HMX1: variants seen among roughly 807,000 people sequenced by gnomAD.
The protein encoded by HMX1 is homeobox protein HMX1.
Under a neutral mutation model 8.9 loss-of-function variants are expected in HMX1, and 8 were observed. That is an observed-to-expected ratio of 0.90 (90% confidence interval 0.53 to 1.63). The LOEUF (loss-of-function observed/expected upper bound fraction) is 1.63, where lower values mean the gene tolerates loss of function less well. HMX1 is among the 40% of genes most tolerant of loss of function. The pLI is 0.00. For missense variants in HMX1, 621 were observed against 558.5 expected (o/e 1.11, Z -1.13); for synonymous variants, 311 against 283.4 (o/e 1.10, Z -0.98).
rs775861425 is a variant in HMX1 at position 8,868,779 on chromosome 4, C to G, written c.395-434G>C. Among the ~76,000 whole-genome samples, 61 of 152,250 alleles carry G rather than the reference C, an allele frequency of 4.0e-4. 2 individuals are homozygous for G. Among genetic ancestry groups the G allele is most frequent in the East Asian group, 3.9e-4 (2 of 5,172 alleles). ...CGGGACAAGAGGAAAGATGTCCTTC[C>G]GAGAAATGTTCACACCGAAAAACAA... is the stretch of plus-strand genomic sequence containing the variant. On this transcript the variant is annotated intron_variant, in intron 1 of 1. Transcript: ENST00000400677. This position sits in a 1 kb window ranked among gnomAD's most constrained non-coding sequence, Gnocchi z 4.6.
Position 8,847,460 on chromosome 4 carries a change from G to T in HMX1, c.395-1136C>A, listed in dbSNP as rs191163386. On this transcript the variant is annotated intron_variant, in intron 1 of 1. Transcript: ENST00000506970. The surrounding 1 kb of genome is among the most constrained non-coding windows in gnomAD (Gnocchi z 6.0). ...CAAAGAGCTATTTCTGTAACGGGATGCCGCCAACAGACGGAAGCCACTGAG... is the reference window on the plus strand; with the variant it reads ...CAAAGAGCTATTTCTGTAACGGGATTCCGCCAACAGACGGAAGCCACTGAG... Among the ~76,000 whole-genome samples, 193 of 152,280 alleles carry T rather than the reference G, an allele frequency of 1.3e-3. No individual in the cohort carries two copies. The highest frequency in any genetic ancestry group is 4.5e-3 in the African/African-American group (188 of 41,558).
intron 1 of HMX1, among the ~76,000 whole-genome samples, chr4:8,857,218 G>C (rs934179292): frequency 6.6e-6 from 1 of 152,338 alleles, no homozygotes; most frequent in South Asian, 2.1e-4. Context: ...CAGCCGCCGA[G>C]GAAGCGTCGG....
downstream of HMX1, among the ~76,000 whole-genome samples, chr4:8,863,920 C>T (rs573178512): frequency 1.4e-4 from 21 of 152,382 alleles, no homozygotes; most frequent in Admixed American, 2.0e-4. Flanking sequence ...ACATCCTCCA[C>T]GCCCAAACAC....
At position 8,868,306 on chromosome 4, in the gene HMX1, C is replaced by A; in HGVS notation, c.434G>T (p.Gly145Val). The A allele has an allele frequency of 6.9e-7, 1 of 1,440,540 alleles. No homozygotes were observed. Among genetic ancestry groups the A allele is most frequent in the South Asian group, 1.4e-5 (1 of 70,934 alleles). The allele number at this position is 1,440,540 out of a possible 1,614,324, so 89.2% of individuals were successfully genotyped here. The change falls in exon 2 of 2, where the codon GGC becomes GTC. Residue 145 changes from glycine to valine, a missense_variant. Coordinates refer to ENST00000400677, the MANE Select transcript of HMX1 (RefSeq NM_018942.3). The surrounding 1 kb of genome is among the most constrained non-coding windows in gnomAD (Gnocchi z 4.6). ...TCGCGGCCAGGCGCCCTCCGCACGGCCCATCTCCTCGCCCGTCTCCGGTGA... is the reference window on the plus strand; with the variant it reads ...TCGCGGCCAGGCGCCCTCCGCACGGACCATCTCCTCGCCCGTCTCCGGTGA... Reference protein sequence around the residue: ...RDSPETGEEMGRAEGAWPRGP... With the variant: ...RDSPETGEEMVRAEGAWPRGP...
chr4:8,856,599 G>A (rs780876192), intron 1 of HMX1, among the ~76,000 whole-genome samples: 16 of 152,128 alleles, frequency 1.1e-4, no homozygotes, highest in Non-Finnish European at 2.1e-4. Context: ...GTGGCTACAC[G>A]GGTGTGCACA....
In HMX1 at chr4:8,867,428, G is replaced by A. The variant is rs915253122; in HGVS notation, c.*265C>T. The A allele has an allele frequency of 9.1e-7, 1 of 1,097,434 alleles. No homozygotes were observed. The highest frequency in any genetic ancestry group is 1.1e-6 in the Non-Finnish European group (1 of 902,732). The allele number at this position is 1,097,434 out of a possible 1,614,324, so 68.0% of individuals were successfully genotyped here. On this transcript the variant is annotated 3_prime_UTR_variant, in exon 2 of 2. Transcript: ENST00000400677. ...GCCGGGGGGTGGCCGTGGCGCCGGG[G>A]GCTGCGCAGCCCAGAGTCTCTGCAT...
Position 8,846,306 on chromosome 4 carries a change from G to C in HMX1, c.413C>G (p.Pro138Arg). 2 of 1,535,070 alleles carry C rather than the reference G, an allele frequency of 1.3e-6. 1 individual carries two copies. Among genetic ancestry groups the C allele is most frequent in the South Asian group, 2.4e-5 (2 of 84,008 alleles). ...CCCCTCTCCACACTGCACAGGCTGA[G>C]GTGTAATCTTCTGTGTGCCTGCAGG... Residue 138 changes from proline to arginine, a missense_variant, in exon 2 of 2, where the codon CCT becomes CGT. Pro to Arg is a moderately radical substitution (Grantham distance 103). Transcript: ENST00000506970.
At chr4:8,857,528 G>A (rs1160443289) in intron 1 of HMX1, among the ~76,000 whole-genome samples, 1 of 152,144 alleles carries the variant, frequency 6.6e-6, no homozygotes, top group African/African-American at 2.4e-5. Context: ...AGCTTCTCTC[G>A]GAAGTGACGG....
At position 8,871,735 on chromosome 4, in the gene HMX1, G is replaced by T. The variant is rs1381769484; in HGVS notation, c.-121C>A. 29 of 1,024,904 alleles carry T rather than the reference G, an allele frequency of 2.8e-5. No individual in the cohort carries two copies. The highest frequency in any genetic ancestry group is 1.2e-4 in the African/African-American group (7 of 57,698). 63.5% of individuals were successfully genotyped at this position (1,024,904 alleles called of 1,614,324 possible). A position where few individuals can be genotyped will look rare whatever the true frequency, so the allele number is the denominator to read the frequency against. ...AGCTGCTACCCGGACCGCTGGCGTCGGGCCCCGCAGGGCAGGCGGCGGCCT... is the reference window on the plus strand; with the variant it reads ...AGCTGCTACCCGGACCGCTGGCGTCTGGCCCCGCAGGGCAGGCGGCGGCCT... On this transcript the variant is annotated 5_prime_UTR_variant, in exon 1 of 2. Transcript: ENST00000400677. This position sits in a 1 kb window ranked among gnomAD's most constrained non-coding sequence, Gnocchi z 4.8.
chr4:8,862,766 AACTC>A (rs1349223930), downstream of HMX1, among the ~76,000 whole-genome samples: 4 of 152,194 alleles, frequency 2.6e-5, no homozygotes, highest in African/African-American at 7.2e-5. Flanking sequence ...AATAAACAAA[AACTC>A]AGCCCCACAG....
chr4:8,860,740 C>G (rs1301951708), intron 1 of HMX1: 1 of 152,498 alleles, frequency 6.6e-6, no homozygotes, highest in Non-Finnish European at 1.5e-5. Flanking sequence ...TCAGACGCCT[C>G]CCTTCTCCGC....
intron 1 of HMX1, among the ~76,000 whole-genome samples, chr4:8,861,512 A>ACG (rs1200938075): frequency 6.6e-6 from 1 of 152,132 alleles, no homozygotes; most frequent in Non-Finnish European, 1.5e-5. Context: ...GGGCAGATGC[A>ACG]CGCGCGCGCG....
downstream of HMX1, among the ~76,000 whole-genome samples, chr4:8,863,969 C>G (rs574640257): frequency 1.3e-5 from 2 of 152,356 alleles, no homozygotes; most frequent in South Asian, 2.1e-4. Flanking sequence ...GGTATGGACT[C>G]TGCCTTTGGA....
At chr4:8,851,520 A>T (rs1721448718) in intron 1 of HMX1, among the ~76,000 whole-genome samples, 1 of 152,200 alleles carries the variant, frequency 6.6e-6, no homozygotes, top group Admixed American at 6.5e-5. Context: ...CTCTGATGCC[A>T]TCCAAGGGCC....
intron 1 of HMX1, among the ~76,000 whole-genome samples, chr4:8,856,696 G>A (rs1560171561): frequency 6.6e-6 from 1 of 152,236 alleles, no homozygotes; most frequent in African/African-American, 2.4e-5. Context: ...AGGAGGGGAG[G>A]GAGGCTTTCC....
rs1445097549 is a variant in HMX1, at chr4:8,847,103, T to C, written c.395-779A>G. On this transcript the variant is annotated intron_variant, in intron 1 of 1. Coordinates refer to the HMX1 transcript ENST00000506970. This position sits in a 1 kb window ranked among gnomAD's most constrained non-coding sequence, Gnocchi z 6.0. ...AGTGGGAATTCCCTGACCATTTGCA[T>C]TGCCACATCAAGGGCTCTAAGAAAG... is the stretch of plus-strand genomic sequence containing the variant. Among the ~76,000 whole-genome samples the C allele has an allele frequency of 2.6e-5, 4 of 152,106 alleles. No homozygotes were observed. Among genetic ancestry groups the C allele is most frequent in the African/African-American group, 9.7e-5 (4 of 41,420 alleles).
chr4:8,846,575 G>A (rs549945640), intron 1 of HMX1, among the ~76,000 whole-genome samples: 1 of 152,314 alleles, frequency 6.6e-6, no homozygotes, highest in South Asian at 2.1e-4. Flanking sequence ...TTCCAATGCA[G>A]TGGCCCTGGG....
Position 8,868,380 on chromosome 4 carries a change from G to C in HMX1, c.395-35C>G, listed in dbSNP as rs1560184704. ...AGAGAGGGCACCACCGTTGGTTCTA[G>C]GGCACTGATTACCAGACTCAATCAC... On this transcript the variant is annotated intron_variant, in intron 1 of 1. Transcript: ENST00000400677. This position sits in a 1 kb window ranked among gnomAD's most constrained non-coding sequence, Gnocchi z 4.6. 1.7e-5 allele frequency: 23 copies of C among 1,336,024 alleles called. No individual in the cohort carries two copies. The highest frequency in any genetic ancestry group is 2.0e-5 in the Non-Finnish European group (21 of 1,045,926). 82.8% of individuals were successfully genotyped at this position (1,336,024 alleles called of 1,614,324 possible).
rs191438770 is a variant in HMX1 at position 8,853,837 on chromosome 4, G to A, written c.395-7513C>T. On this transcript the variant is annotated intron_variant, in intron 1 of 1. Transcript: ENST00000506970. The surrounding 1 kb of genome is among the most constrained non-coding windows in gnomAD (Gnocchi z 4.7). The stretch of plus-strand genomic sequence containing the variant: ...CACTGCACTCCAGCCTGGGCAACAA[G>A]AGCAAAATTCCATCTCAAAAAAAAG... 4.7e-5 allele frequency among the ~76,000 whole-genome samples: 7 copies of A among 150,364 alleles called. No homozygotes were observed. Among genetic ancestry groups the A allele is most frequent in the Admixed American group, 4.6e-4 (7 of 15,218 alleles).
Sources: gnomAD v4.1 joint callset for allele counts (sites outside exome capture counted in the v4.1 genomes callset) on GRCh38, gnomAD v4.1.1 for gene constraint, Gnocchi (gnomAD v3.1) non-coding constraint, MANE v1.5 for transcripts, NCBI Gene and HGNC (gene_info 2026-07-23, HGNC 2026-07-21) for gene names.